SAMD12: variants seen among roughly 807,000 people sequenced by gnomAD.
SAMD12 encodes the protein sterile alpha motif domain-containing protein 12.
A neutral mutation model predicts 15.0 loss-of-function variants in SAMD12; 9 were observed. The ratio of observed to expected loss-of-function variants is 0.60; its 90% CI spans 0.36 to 1.05. The LOEUF (loss-of-function observed/expected upper bound fraction) is 1.05. Ranked by LOEUF, SAMD12 falls within the 50% of genes least tolerant of loss-of-function variation. SAMD12 has a pLI of 0.01. For synonymous variants in SAMD12, 86 were observed against 90.1 expected (o/e 0.96, Z 0.25); for missense variants, 230 against 234.2 (o/e 0.98, Z 0.12).
chr8:118,524,287 C>T (rs557370448), intron 2 of SAMD12, among the ~76,000 whole-genome samples: 34 of 152,218 alleles, frequency 2.2e-4, no homozygotes, highest in South Asian at 6.2e-4. Flanking sequence ...AATTCTCAGG[C>T]GCCGTAATTA....
intron 3 of SAMD12, among the ~76,000 whole-genome samples, chr8:118,431,706 GT>G (rs1822423185): frequency 7.0e-6 from 1 of 143,418 alleles, no homozygotes; most frequent in African/African-American, 3.0e-5. Flanking sequence ...GTGTGTGTGT[GT>G]GTGTGTGTGT....
intron 4 of SAMD12, among the ~76,000 whole-genome samples, chr8:118,305,360 T>G (rs1437057435): frequency 6.6e-6 from 1 of 152,108 alleles, no homozygotes; most frequent in African/African-American, 2.4e-5. Flanking sequence ...TTGCCTAACC[T>G]AGGTACCTCA....
At chr8:118,384,922 T>C (rs1473719779) in intron 3 of SAMD12, among the ~76,000 whole-genome samples, 1 of 152,032 alleles carries the variant, frequency 6.6e-6, no homozygotes, top group Non-Finnish European at 1.5e-5. Flanking sequence ...CCTTATTAGG[T>C]GCCCTCAGGG....
chr8:118,434,307 A>G (rs1381019928), intron 3 of SAMD12, among the ~76,000 whole-genome samples: 5 of 152,240 alleles, frequency 3.3e-5, no homozygotes, highest in Non-Finnish European at 7.3e-5. Flanking sequence ...AATAGGAATC[A>G]TTTGTAAGCG....
intron 4 of SAMD12, among the ~76,000 whole-genome samples, chr8:118,242,978 C>T (rs186107129): frequency 4.3e-4 from 65 of 152,170 alleles, no homozygotes; most frequent in Non-Finnish European, 8.7e-4. Context: ...GAAAGGAGGC[C>T]CTCACCTGCT....
chr8:118,144,062 T>C, the SAMD12 span, among the ~76,000 whole-genome samples: 2 of 152,108 alleles, frequency 1.3e-5, no homozygotes, highest in African/African-American at 2.4e-5. Flanking sequence ...CTCCAGGCAT[T>C]CCTTGGTGTG....
intron 4 of SAMD12, among the ~76,000 whole-genome samples, chr8:118,252,045 C>T (rs759168061): frequency 6.6e-6 from 1 of 152,162 alleles, no homozygotes; most frequent in Admixed American, 6.5e-5. Flanking sequence ...TGCCTGGGTG[C>T]CGCAGAGGGC....
intron 2 of SAMD12, among the ~76,000 whole-genome samples, chr8:118,475,742 G>A (rs1823942012): frequency 6.6e-6 from 1 of 152,188 alleles, no homozygotes; most frequent in Non-Finnish European, 1.5e-5. Flanking sequence ...AGGAAAGTAT[G>A]GCTAGATTTG....
At chr8:118,403,734 G>T (rs1820983526) in intron 3 of SAMD12, among the ~76,000 whole-genome samples, 1 of 152,098 alleles carries the variant, frequency 6.6e-6, no homozygotes, top group Non-Finnish European at 1.5e-5. Context: ...GATTTGTCAG[G>T]TCTATCATGA....
At chr8:118,464,581 C>A (rs1329175263) in intron 2 of SAMD12, among the ~76,000 whole-genome samples, 3 of 152,098 alleles carry the variant, frequency 2.0e-5, no homozygotes, top group Non-Finnish European at 4.4e-5. Context: ...TTCCAAAAGT[C>A]AAGAAGGTAA....
intron 2 of SAMD12, among the ~76,000 whole-genome samples, chr8:118,554,464 A>T (rs1316813244): frequency 2.0e-5 from 3 of 149,254 alleles, no homozygotes; most frequent in African/African-American, 7.4e-5. Context: ...ATTCTCATTC[A>T]TAGGTGGGAA....
At chr8:118,332,482 G>A (rs1452953000) in intron 4 of SAMD12, among the ~76,000 whole-genome samples, 1 of 152,178 alleles carries the variant, frequency 6.6e-6, no homozygotes, top group Non-Finnish European at 1.5e-5. Context: ...AACAGGATGT[G>A]CAGGTGTCGT....
chr8:118,318,355 T>TATATATATAC (rs1554630371), intron 4 of SAMD12, among the ~76,000 whole-genome samples: 10 of 110,828 alleles, frequency 9.0e-5, no homozygotes, highest in African/African-American at 2.5e-4. Flanking sequence ...TATATATATA[T>TATATATATAC]ACATATATAC....
At chr8:118,610,647 A>G (rs1379679556) in intron 1 of SAMD12, among the ~76,000 whole-genome samples, 1 of 152,228 alleles carries the variant, frequency 6.6e-6, no homozygotes, top group Non-Finnish European at 1.5e-5. Flanking sequence ...TTTACTCAAC[A>G]AATAGTCGAG....
chr8:118,141,625 TG>T, the SAMD12 span, among the ~76,000 whole-genome samples: 4 of 152,286 alleles, frequency 2.6e-5, no homozygotes, highest in African/African-American at 9.6e-5. Flanking sequence ...GAGGGAGAAA[TG>T]GGGTAGGCCA....
chr8:118,300,491 G>T (rs947256257), intron 4 of SAMD12, among the ~76,000 whole-genome samples: 4 of 152,202 alleles, frequency 2.6e-5, no homozygotes, highest in African/African-American at 9.7e-5. Context: ...GAATTTTATG[G>T]TCAGGTTGAG....
chr8:118,502,633 A>G (rs1006376085), intron 2 of SAMD12, among the ~76,000 whole-genome samples: 1 of 152,214 alleles, frequency 6.6e-6, no homozygotes, highest in Non-Finnish European at 1.5e-5. Context: ...TTTTTCAATG[A>G]ATAAAAATGT....
At chr8:118,533,762 C>T (rs762788954) in intron 2 of SAMD12, among the ~76,000 whole-genome samples, 6 of 151,582 alleles carry the variant, frequency 4.0e-5, no homozygotes, top group Non-Finnish European at 7.4e-5. Flanking sequence ...AGAATTGCAA[C>T]CCTTGCTTTT....
chr8:118,177,930 T>C, the SAMD12 span, among the ~76,000 whole-genome samples: 9 of 152,114 alleles, frequency 5.9e-5, no homozygotes, highest in Admixed American at 5.9e-4. Context: ...TCCCATCTGG[T>C]CTAACCACAC....
Sources: gnomAD v4.1 joint callset for allele counts (sites outside exome capture counted in the v4.1 genomes callset) on GRCh38, gnomAD v4.1.1 for gene constraint, MANE v1.5 for transcripts, NCBI Gene and HGNC (gene_info 2026-07-23, HGNC 2026-07-21) for gene names.